The following CCDC15 variants were observed in gnomAD, a reference collection of about 807,000 sequenced individuals.
CCDC15 encodes coiled-coil domain-containing protein 15.
CCDC15 carries 105 observed loss-of-function variants against 114.5 expected under a neutral mutation model. That is an observed-to-expected ratio of 0.92 (90% CI 0.78 to 1.08). The LOEUF (loss-of-function observed/expected upper bound fraction) is 1.08. CCDC15 is among the 50% of genes least tolerant of loss of function. The pLI, the probability that CCDC15 is intolerant of heterozygous loss-of-function variation, is 0.00. For synonymous variants in CCDC15, 334 were observed against 377.8 expected (o/e 0.88, Z 1.34); for missense variants, 1,105 against 1,093.6 (o/e 1.01, Z -0.15).
rs1948194333 is a variant in CCDC15 at position 124,987,638 on chromosome 11, A to G, written c.1412A>G (p.Asn471Ser). 1 of 1,613,438 alleles carries G rather than the reference A, an allele frequency of 6.2e-7. No individual in the cohort carries two copies. The highest frequency in any genetic ancestry group is 8.5e-7 in the Non-Finnish European group (1 of 1,179,818). The change falls in exon 8 of 16, where the codon AAT becomes AGT. Residue 471 changes from asparagine to serine, a missense_variant. Coordinates refer to ENST00000344762, the MANE Select transcript of CCDC15 (RefSeq NM_025004.3). ...QDILPKYQDQNFLPKDQNFLS... is the reference protein window; with the variant it reads ...QDILPKYQDQSFLPKDQNFLS... The stretch of plus-strand genomic sequence containing the variant: ...ATTCTGCCAAAATATCAGGACCAGA[A>G]TTTTCTACCTAAGGACCAGAATTTT...
chr11:125,001,678 T>C (rs1948484590), intron 11 of CCDC15, among the ~76,000 whole-genome samples: 1 of 152,216 alleles, frequency 6.6e-6, no homozygotes, highest in South Asian at 2.1e-4. Context: ...GTGACTGGCT[T>C]CTTTCACTTA....
chr11:125,039,193 T>C (rs1027273485), intron 15 of CCDC15, 124 bp downstream of exon 15: 141 of 854,430 alleles, frequency 1.7e-4, no homozygotes, highest in Middle Eastern at 2.6e-4. Flanking sequence ...ATAAACCCTT[T>C]ACAAAATAAC....
intron 9 of CCDC15, among the ~76,000 whole-genome samples, chr11:124,991,952 G>A (rs1353887193): frequency 6.6e-6 from 1 of 152,152 alleles, no homozygotes. Flanking sequence ...CCAAAGTGCT[G>A]GGTTTACAGG....
chr11:125,008,468 A>G (rs896847019), intron 13 of CCDC15, among the ~76,000 whole-genome samples: 9 of 152,142 alleles, frequency 5.9e-5, no homozygotes, highest in South Asian at 2.1e-4. Flanking sequence ...GAACAAAGTT[A>G]GTTTTATTTC....
intron 4 of CCDC15, among the ~76,000 whole-genome samples, chr11:124,960,539 TTATTTA>T (rs1302590845): frequency 2.0e-5 from 3 of 152,304 alleles, no homozygotes; most frequent in Non-Finnish European, 4.4e-5. Flanking sequence ...ATTTCATTTA[TTATTTA>T]TCTTTGTCTC....
intron 4 of CCDC15, 122 bp from the exon 5 acceptor site, chr11:124,974,974 C>T (rs1370770343): frequency 3.6e-6 from 2 of 551,594 alleles, no homozygotes; most frequent in African/African-American, 4.0e-5. Context: ...GCAAGTAATC[C>T]TGTTGTCTTA....
intron 13 of CCDC15, among the ~76,000 whole-genome samples, chr11:125,011,225 T>TTAGTAG (rs1207423396): frequency 1.8e-4 from 25 of 135,656 alleles, no homozygotes; most frequent in African/African-American, 7.3e-4. Flanking sequence ...AGAAGTATTA[T>TTAGTAG]TATTATTATT....
At chr11:125,034,691 AT>A (rs1250551804) in intron 13 of CCDC15, among the ~76,000 whole-genome samples, 1 of 152,132 alleles carries the variant, frequency 6.6e-6, no homozygotes, top group Non-Finnish European at 1.5e-5. Context: ...TGTCAAATGC[AT>A]TTATTTTGCA....
intron 13 of CCDC15, among the ~76,000 whole-genome samples, chr11:125,029,590 G>A (rs778188597): frequency 6.6e-5 from 10 of 152,186 alleles, no homozygotes; most frequent in Non-Finnish European, 1.3e-4. Flanking sequence ...AAAAGAAGGA[G>A]GAAATACTCA....
chr11:124,980,860 TA>T (rs1948062329), intron 6 of CCDC15, among the ~76,000 whole-genome samples: 1 of 152,230 alleles, frequency 6.6e-6, no homozygotes, highest in African/African-American at 2.4e-5. Flanking sequence ...GTTAGGTTGT[TA>T]ATTTGAGACC....
At chr11:124,963,522 T>A (rs1381218620) in intron 4 of CCDC15, among the ~76,000 whole-genome samples, 3 of 152,202 alleles carry the variant, frequency 2.0e-5, no homozygotes, top group African/African-American at 4.8e-5. Context: ...GTGTAAGTTC[T>A]TTGTAGATTC....
chr11:124,990,825 A>G (rs1312613650), intron 8 of CCDC15, among the ~76,000 whole-genome samples: 5 of 152,186 alleles, frequency 3.3e-5, no homozygotes, highest in Admixed American at 3.3e-4. Context: ...AGTGGTCCAT[A>G]AGTACTCAGC....
In CCDC15 at chr11:125,007,585, TA is replaced by T. The variant is rs1215666161; in HGVS notation, c.2411+2376del. ...ATACACTGATTTCTTTTCCTTTGAA[TA>T]AATACCCAATAGTGGAGTTGCTGGA... On this transcript the variant is annotated intron_variant, in intron 13 of 15. Coordinates refer to ENST00000344762, the MANE Select transcript of CCDC15 (RefSeq NM_025004.3). Among the ~76,000 whole-genome samples, 4 of 152,192 alleles carry T rather than the reference TA, an allele frequency of 2.6e-5. No individual in the cohort carries two copies. The South Asian group carries it at 8.3e-4, about 31-fold the overall frequency.
At chr11:125,027,511 A>T (rs1248670624) in intron 13 of CCDC15, among the ~76,000 whole-genome samples, 2 of 151,530 alleles carry the variant, frequency 1.3e-5, no homozygotes, top group Non-Finnish European at 2.9e-5. Context: ...ATTTTTTCAT[A>T]TGTTTGTTGG....
intron 6 of CCDC15, among the ~76,000 whole-genome samples, chr11:124,980,512 TC>T (rs1176287699): frequency 6.6e-6 from 1 of 152,232 alleles, no homozygotes; most frequent in African/African-American, 2.4e-5. Context: ...GTTGTATGTT[TC>T]CAGATATTTA....
chr11:124,991,413 A>G (rs1397777710), intron 8 of CCDC15, 48 bp from the exon 9 acceptor site: 9 of 1,311,262 alleles, frequency 6.9e-6, no homozygotes, highest in African/African-American at 4.5e-5. Flanking sequence ...TTGCCATCAT[A>G]TTAGTCTTGC....
chr11:124,997,630 G>C (rs1057103495), intron 11 of CCDC15, among the ~76,000 whole-genome samples: 1 of 152,000 alleles, frequency 6.6e-6, no homozygotes, highest in African/African-American at 2.4e-5. Context: ...GCAAAATATT[G>C]GTGGAAATGT....
Position 125,003,720 on chromosome 11 carries a change from T to C in CCDC15, c.2215-147T>C, listed in dbSNP as rs114251528. On this transcript the variant is annotated intron_variant, in intron 11 of 15. Coordinates refer to ENST00000344762, the MANE Select transcript of CCDC15 (RefSeq NM_025004.3). The stretch of plus-strand genomic sequence containing the variant: ...CGGCTTCCTTTCATTCTTTTTTGAT[T>C]TTATTCTTTATATTCATGTTTTTTC... 3.7e-3 allele frequency: 1,981 copies of C among 537,730 alleles called. 44 individuals are homozygous for C. Among genetic ancestry groups the C allele is most frequent in the African/African-American group, 0.036 (1,796 of 49,462 alleles). The allele number at this position is 537,730 out of a possible 1,614,324, so 33.3% of individuals were successfully genotyped here. A position where few individuals can be genotyped will look rare whatever the true frequency, so the allele number is the denominator to read the frequency against.
At chr11:124,960,097 A>G in intron 4 of CCDC15, 94 bp downstream of exon 4, 1 of 859,188 alleles carries the variant, frequency 1.2e-6, no homozygotes, top group Non-Finnish European at 1.6e-6. Context: ...AGGGATTAAG[A>G]GTTATCACAC....
Sources: gnomAD v4.1 joint callset for allele counts (sites outside exome capture counted in the v4.1 genomes callset) on GRCh38, gnomAD v4.1.1 for gene constraint, MANE v1.5 for transcripts, NCBI Gene and HGNC (gene_info 2026-07-23, HGNC 2026-07-21) for gene names.